The following LINGO2 variants were observed in gnomAD, a reference collection of about 807,000 sequenced individuals.
LINGO2 encodes the protein leucine rich repeat and Ig domain containing 2.
LINGO2 carries 14 observed loss-of-function variants against 30.6 expected under a neutral mutation model. The observed-to-expected ratio is 0.46, with a 90% confidence interval of 0.30 to 0.72. The LOEUF (loss-of-function observed/expected upper bound fraction) is 0.72. Ranked by LOEUF, LINGO2 falls within the 30% of genes least tolerant of loss-of-function variation. The pLI, the probability that LINGO2 is intolerant of heterozygous loss-of-function variation, is 0.07. For synonymous variants in LINGO2, 317 were observed against 288.5 expected, an observed-to-expected ratio of 1.10 and a Z score of -1.00; for missense variants, 729 against 751.7, an observed-to-expected ratio of 0.97 and a Z score of 0.35.
chr9:27,989,377 T>G (rs560949653), intron 5 of LINGO2, among the ~76,000 whole-genome samples: 1 of 152,072 alleles, frequency 6.6e-6, no homozygotes, highest in Non-Finnish European at 1.5e-5. Context: ...TACCTATTGC[T>G]TCATCTTCAA....
intron 1 of LINGO2, among the ~76,000 whole-genome samples, chr9:28,498,635 C>T (rs1819756506): frequency 6.6e-6 from 1 of 152,168 alleles, no homozygotes; most frequent in Admixed American, 6.5e-5. Context: ...CCTGCTTCCG[C>T]TCACACTCGG....
At chr9:28,055,981 G>A (rs894658872) in intron 4 of LINGO2, among the ~76,000 whole-genome samples, 3 of 152,196 alleles carry the variant, frequency 2.0e-5, no homozygotes, top group East Asian at 3.9e-4. Context: ...GTTACTACTT[G>A]AGACCTTCAT....
intron 3 of LINGO2, among the ~76,000 whole-genome samples, chr9:28,342,881 C>A (rs1344518589): frequency 6.6e-6 from 1 of 152,016 alleles, no homozygotes; most frequent in South Asian, 2.1e-4. Context: ...ATAACAAAAA[C>A]AGCTAGAATT....
intron 3 of LINGO2, among the ~76,000 whole-genome samples, chr9:28,303,516 T>G (rs896864299): frequency 1.3e-5 from 2 of 152,138 alleles, no homozygotes; most frequent in African/African-American, 4.8e-5. Flanking sequence ...GTTGAAAATT[T>G]GTGTACAATA....
Position 28,355,741 on chromosome 9 carries a change from C to T in LINGO2, c.-246+17095G>A, listed in dbSNP as rs147892089. Among the ~76,000 whole-genome samples, 1,050 of 152,156 alleles carry T rather than the reference C, an allele frequency of 6.9e-3. 6 individuals carry two copies. The highest frequency in any genetic ancestry group is 0.01 in the Non-Finnish European group (711 of 68,004). On this transcript the variant is annotated intron_variant, in intron 3 of 5. Coordinates refer to ENST00000379992, the Ensembl canonical transcript of LINGO2. ...CCTAGGCTAAGAGAGATTGCTTTTG[C>T]GTAGTATCTGTACGTAATACTCACA...
At chr9:29,022,686 TAA>T in the LINGO2 span, among the ~76,000 whole-genome samples, 2 of 152,162 alleles carry the variant, frequency 1.3e-5, no homozygotes, top group Non-Finnish European at 2.9e-5. Flanking sequence ...TGACTTTTTG[TAA>T]GTATTGGAGT....
the LINGO2 span, among the ~76,000 whole-genome samples, chr9:28,960,272 C>A: frequency 1.3e-5 from 2 of 151,998 alleles, no homozygotes; most frequent in African/African-American, 4.8e-5. Context: ...GGCCAAGGCA[C>A]GAAGATTGCT....
rs920287205 is a variant in LINGO2, at chr9:28,148,939, C to T, written c.-86-136534G>A. On this transcript the variant is annotated intron_variant, in intron 4 of 5. Coordinates refer to ENST00000379992, the Ensembl canonical transcript of LINGO2. The surrounding 1 kb of genome is among the most constrained non-coding windows in gnomAD (Gnocchi z 5.1). ...GTAGGTCTTCTCCACACAGAGCTGC[C>T]GGCCACAGTTCCCACAAAAGAAAAC... 1.1e-4 allele frequency: 174 copies of T among 1,533,854 alleles called. No homozygotes were observed. Among genetic ancestry groups the T allele is most frequent in the South Asian group, 3.8e-4 (32 of 83,966 alleles).
intron 1 of LINGO2, among the ~76,000 whole-genome samples, chr9:28,616,153 T>C (rs900374227): frequency 2.0e-5 from 3 of 152,174 alleles, no homozygotes; most frequent in African/African-American, 7.2e-5. Flanking sequence ...AGGTATATGC[T>C]ATACCGTAAT....
chr9:27,983,995 T>G (rs751845712), intron 5 of LINGO2, among the ~76,000 whole-genome samples: 2 of 151,558 alleles, frequency 1.3e-5, no homozygotes, highest in African/African-American at 2.4e-5. Flanking sequence ...AGGGGCAGAG[T>G]AGAGGACGAA....
At chr9:28,411,258 T>C (rs1005183409) in intron 2 of LINGO2, among the ~76,000 whole-genome samples, 2 of 152,094 alleles carry the variant, frequency 1.3e-5, no homozygotes, top group Non-Finnish European at 1.5e-5. Flanking sequence ...TGCTCCTTTT[T>C]TTTAGGATCT....
chr9:28,892,741 G>A, the LINGO2 span, among the ~76,000 whole-genome samples: 2 of 151,874 alleles, frequency 1.3e-5, no homozygotes, highest in Non-Finnish European at 2.9e-5. Context: ...TCTATTCTGA[G>A]TCATACTACC....
intron 5 of LINGO2, among the ~76,000 whole-genome samples, chr9:27,999,035 G>C (rs562009390): frequency 1.3e-5 from 2 of 152,146 alleles, no homozygotes; most frequent in South Asian, 2.1e-4. Context: ...GCACAGTAGA[G>C]AATTTATGTG....
the LINGO2 span, among the ~76,000 whole-genome samples, chr9:28,968,437 T>C: frequency 6.6e-6 from 1 of 152,192 alleles, no homozygotes; most frequent in Non-Finnish European, 1.5e-5. Flanking sequence ...CAGGTGTTTC[T>C]TGTTAAAGTA....
At chr9:28,768,063 T>G in the LINGO2 span, among the ~76,000 whole-genome samples, 24 of 152,350 alleles carry the variant, frequency 1.6e-4, no homozygotes, top group African/African-American at 5.3e-4. Flanking sequence ...TTGTACCATA[T>G]TATTTTAGTT....
chr9:28,575,412 A>C (rs1191832538), intron 1 of LINGO2, among the ~76,000 whole-genome samples: 5 of 150,050 alleles, frequency 3.3e-5, no homozygotes, highest in Non-Finnish European at 5.9e-5. Context: ...AAAAAACAAC[A>C]AAAAAAACAA....
the LINGO2 span, among the ~76,000 whole-genome samples, chr9:28,780,908 T>C: frequency 6.6e-6 from 1 of 151,300 alleles, no homozygotes; most frequent in Non-Finnish European, 1.5e-5. Context: ...GAGACCAGAT[T>C]GGATAGTGAA....
At chr9:28,907,755 T>A in the LINGO2 span, among the ~76,000 whole-genome samples, 1 of 151,632 alleles carries the variant, frequency 6.6e-6, no homozygotes, top group Non-Finnish European at 1.5e-5. Context: ...CAGAGATGCA[T>A]GAGGATTTTC....
chr9:28,179,304 T>A (rs1252744824), intron 4 of LINGO2, among the ~76,000 whole-genome samples: 6 of 144,890 alleles, frequency 4.1e-5, no homozygotes. Context: ...TATAGTATTT[T>A]ATACTATATA....
Sources: gnomAD v4.1 joint callset for allele counts (sites outside exome capture counted in the v4.1 genomes callset) on GRCh38, gnomAD v4.1.1 for gene constraint, Gnocchi (gnomAD v3.1) non-coding constraint, MANE v1.5 for transcripts, NCBI Gene and HGNC (gene_info 2026-07-23, HGNC 2026-07-21) for gene names.